The following SH3D21 variants were observed in gnomAD, a reference collection of about 807,000 sequenced individuals.
SH3D21 encodes manchette microtubule inner protein 1.
A neutral mutation model predicts 82.1 loss-of-function variants in SH3D21; 83 were observed. The observed-to-expected ratio is 1.01, with a 90% CI of 0.85 to 1.21. SH3D21 has a LOEUF of 1.21. Ranked by LOEUF, SH3D21 falls within the 50% of genes most tolerant of loss-of-function variation. SH3D21 has a pLI of 0.00. For synonymous variants in SH3D21, 383 were observed against 387.8 expected (o/e 0.99, Z 0.15); for missense variants, 980 against 962.1 (o/e 1.02, Z -0.25).
chr1:36,321,363 G>A, downstream of SH3D21: 1 of 1,401,156 alleles, frequency 7.1e-7, no homozygotes, highest in South Asian at 1.6e-5. This position sits in a 1 kb window ranked among gnomAD's most constrained non-coding sequence, Gnocchi z 6.1. Context: ...GCCTGCGCGC[G>A]GCTATTTTTA....
intron 9 of SH3D21, among the ~76,000 whole-genome samples, chr1:36,309,085 G>C (rs1646187604): frequency 6.6e-6 from 1 of 152,144 alleles, no homozygotes; most frequent in African/African-American, 2.4e-5. Context: ...TTTTGTGCAT[G>C]AAACAAATTT....
At position 36,319,255 on chromosome 1, in the gene SH3D21, TC is replaced by T. The variant is rs1291910598; in HGVS notation, c.864-3del. The stretch of plus-strand genomic sequence containing the variant: ...CCCTGAGGGCCTGATGAAGATATGT[TC>T]CAGGACATCTCGGACACCCAGCAGG... On this transcript the variant is annotated splice_region_variant and splice_polypyrimidine_tract_variant and intron_variant, in intron 11 of 15. Transcript: ENST00000453908. The T allele has an allele frequency of 5.8e-6, 9 of 1,551,378 alleles. No individual in the cohort carries two copies. The highest frequency in any genetic ancestry group is 2.4e-5 in the East Asian group (1 of 40,916).
rs922312758 is a variant in SH3D21, at chr1:36,306,561, T to C, written c.5-37T>C. 5 of 1,302,474 alleles carry C rather than the reference T, an allele frequency of 3.8e-6. No individual in the cohort carries two copies. Among genetic ancestry groups the C allele is most frequent in the Non-Finnish European group, 5.1e-6 (5 of 988,358 alleles). 80.7% of individuals were successfully genotyped at this position (1,302,474 alleles called of 1,614,324 possible). A position where few individuals can be genotyped will look rare whatever the true frequency, so the allele number is the denominator to read the frequency against. On this transcript the variant is annotated intron_variant, in intron 1 of 15. Transcript: ENST00000453908. The surrounding 1 kb of genome is among the most constrained non-coding windows in gnomAD (Gnocchi z 4.5). ...CTAGCCAGGCTGCCCGGCTGGGCCT[T>C]TCTGAGCCGCACGCCGGCCCCGTCT...
In SH3D21 at chr1:36,321,252, G is replaced by A; in HGVS notation, c.*125G>A. 2.0e-6 allele frequency: 3 copies of A among 1,473,982 alleles called. No individual in the cohort carries two copies. In the South Asian group the frequency reaches 4.1e-5, roughly 20 times the overall value. 91.3% of individuals were successfully genotyped at this position (1,473,982 alleles called of 1,614,324 possible). ...CGGCGCCACGCCGGTCTGGTCGCTG[G>A]GGGCGGGGCCTGCGCGGGGGCAGGG... is the stretch of plus-strand genomic sequence containing the variant. On this transcript the variant is annotated 3_prime_UTR_variant, in exon 16 of 16. Transcript: ENST00000453908. This position sits in a 1 kb window ranked among gnomAD's most constrained non-coding sequence, Gnocchi z 6.1.
Position 36,307,674 on chromosome 1 carries a change from G to A in SH3D21, c.436+67G>A, listed in dbSNP as rs1646156605. On this transcript the variant is annotated intron_variant, in intron 5 of 15. Transcript: ENST00000453908. This position sits in a 1 kb window ranked among gnomAD's most constrained non-coding sequence, Gnocchi z 5.4. Reference sequence around the variant, plus strand: ...ATGACCCTCCCAGTGGCATGAGCCTGTGATTCACATATCCTGACCCTGTGA... The same window carrying A: ...ATGACCCTCCCAGTGGCATGAGCCTATGATTCACATATCCTGACCCTGTGA... The A allele has an allele frequency of 2.5e-5, 39 of 1,541,922 alleles. No homozygotes were observed. Among genetic ancestry groups the A allele is most frequent in the Non-Finnish European group, 3.3e-5 (38 of 1,139,936 alleles).
intron 10 of SH3D21, among the ~76,000 whole-genome samples, chr1:36,312,247 TCTC>T (rs1196571490): frequency 2.0e-5 from 3 of 151,876 alleles, no homozygotes; most frequent in Non-Finnish European, 4.4e-5. Context: ...ATGGTCTTGA[TCTC>T]CTGACCTCAT....
intron 10 of SH3D21, among the ~76,000 whole-genome samples, chr1:36,311,932 C>T (rs1376398726): frequency 6.6e-6 from 1 of 151,988 alleles, no homozygotes; most frequent in Non-Finnish European, 1.5e-5. Context: ...TGGGCTCAAG[C>T]AATTCTCCTG....
intron 10 of SH3D21, among the ~76,000 whole-genome samples, chr1:36,311,280 G>A (rs183006824): frequency 1.3e-3 from 199 of 151,816 alleles, no homozygotes; most frequent in African/African-American, 4.8e-3. Context: ...CTGCACTGTC[G>A]CCCAGGCTGG....
chr1:36,327,596 CAT>C (rs1290898800), downstream of SH3D21: 5 of 1,078,024 alleles, frequency 4.6e-6, no homozygotes, highest in African/African-American at 1.7e-5. Flanking sequence ...TGGTATGTGA[CAT>C]ATGTGTTTGG....
chr1:36,321,644 G>T (rs1428593221), downstream of SH3D21: 13 of 1,018,134 alleles, frequency 1.3e-5, no homozygotes, highest in Non-Finnish European at 1.5e-5. The surrounding 1 kb of genome is among the most constrained non-coding windows in gnomAD (Gnocchi z 6.1). Context: ...TCCAGCCCAA[G>T]CACGCATGCT....
Position 36,308,182 on chromosome 1 carries a change from G to C in SH3D21, c.612G>C (p.Arg204Ser), listed in dbSNP as rs973928287. Residue 204 changes from arginine (R) to serine (S), a missense_variant, in exon 8 of 16, where the codon AGG becomes AGC. Coordinates refer to ENST00000453908, the MANE Select transcript of SH3D21 (RefSeq NM_001162530.2). ...PEAPDELALR[R>S]GDVVKVLSKT... is the part of the protein sequence containing the mutation. Reference sequence around the variant, plus strand: ...CCCCAGACGAGTTGGCGCTGCGGAGGGGGGACGTGGTAAAAGTACTCAGCA... The same window carrying C: ...CCCCAGACGAGTTGGCGCTGCGGAGCGGGGACGTGGTAAAAGTACTCAGCA... The C allele has an allele frequency of 2.3e-5, 36 of 1,546,228 alleles. No individual in the cohort carries two copies. Among genetic ancestry groups the C allele is most frequent in the Admixed American group, 4.0e-5 (2 of 50,530 alleles).
Position 36,319,214 on chromosome 1 carries a change from C to T in SH3D21, c.864-46C>T, listed in dbSNP as rs1468526660. On this transcript the variant is annotated intron_variant, in intron 11 of 15. Transcript: ENST00000453908. ...GAAGGAGGAGGGTAGGAGGCAACGC[C>T]CCTCCCTGTGCCCCACCCTGAGGGC... is the stretch of plus-strand genomic sequence containing the variant. 1.9e-6 allele frequency: 3 copies of T among 1,550,040 alleles called. No homozygotes were observed. In the Admixed American group the frequency reaches 5.9e-5, roughly 30 times the overall value.
Position 36,307,863 on chromosome 1 carries a change from C to T in SH3D21, c.492+38C>T, listed in dbSNP as rs1472054687. ...AGAGTAGGCACAGAGGTGGTGAGTT[C>T]CTCTTGGGGTGGTTGGAGGCTCATC... On this transcript the variant is annotated intron_variant, in intron 6 of 15. Coordinates refer to ENST00000453908, the MANE Select transcript of SH3D21 (RefSeq NM_001162530.2). The surrounding 1 kb of genome is among the most constrained non-coding windows in gnomAD (Gnocchi z 5.4). The T allele has an allele frequency of 1.2e-5, 19 of 1,551,580 alleles. No homozygotes were observed. Among genetic ancestry groups the T allele is most frequent in the Non-Finnish European group, 1.7e-5 (19 of 1,147,010 alleles).
rs566279473 is a variant in SH3D21 at position 36,309,523 on chromosome 1, CA to C, written c.727-23del. The C allele has an allele frequency of 3.0e-4, 468 of 1,551,148 alleles. 2 individuals carry two copies. In the African/African-American group the frequency reaches 5.9e-3, roughly 19 times the overall value. On this transcript the variant is annotated intron_variant, in intron 9 of 15. Coordinates refer to ENST00000453908, the MANE Select transcript of SH3D21 (RefSeq NM_001162530.2). ...TTCTGATTTTTAGATTAAGGATGCT[CA>C]ACCTTTACTTCTTTTCGGCATAGAT... is the stretch of plus-strand genomic sequence containing the variant.
Position 36,320,321 on chromosome 1 carries a change from C to T in SH3D21, c.1658C>T (p.Thr553Ile). Reference protein sequence around the residue: ...SERCLGEMKCTLVRGDSSPRQ... With the variant: ...SERCLGEMKCILVRGDSSPRQ... ...AGGTGCCTGGGAGAGATGAAATGTA[C>T]CCTAGTTAGAGGGGACAGCTCCCCA... is the stretch of plus-strand genomic sequence containing the variant. The change falls in exon 14 of 16, where the codon ACC becomes ATC. Residue 553 changes from threonine to isoleucine, a missense_variant. Thr to Ile is a moderately conservative substitution (Grantham distance 89). Coordinates refer to ENST00000453908, the MANE Select transcript of SH3D21 (RefSeq NM_001162530.2). 1 of 1,613,040 alleles carries T rather than the reference C, an allele frequency of 6.2e-7. No homozygotes were observed. Among genetic ancestry groups the T allele is most frequent in the Non-Finnish European group, 8.5e-7 (1 of 1,179,918 alleles).
chr1:36,326,186 G>A (rs544900994), downstream of SH3D21, among the ~76,000 whole-genome samples: 6 of 152,038 alleles, frequency 3.9e-5, no homozygotes, highest in East Asian at 3.9e-4. Flanking sequence ...GGGGCTGCCC[G>A]TGCAGGGACT....
At chr1:36,310,124 T>G (rs1383534802) in intron 10 of SH3D21, among the ~76,000 whole-genome samples, 1 of 151,968 alleles carries the variant, frequency 6.6e-6, no homozygotes, top group Non-Finnish European at 1.5e-5. Context: ...TCAGCTAATT[T>G]TTTGTATTTT....
downstream of SH3D21, chr1:36,321,486 T>G: frequency 1.1e-6 from 1 of 882,878 alleles, no homozygotes; most frequent in South Asian, 2.4e-5. This position sits in a 1 kb window ranked among gnomAD's most constrained non-coding sequence, Gnocchi z 6.1. Flanking sequence ...ACGCCCGGCC[T>G]AGATTCCGGA....
chr1:36,312,360 TTCTTAGGTA>T (rs1646258872), intron 10 of SH3D21, among the ~76,000 whole-genome samples: 1 of 152,208 alleles, frequency 6.6e-6, no homozygotes, highest in African/African-American at 2.4e-5. Flanking sequence ...TTCCCAGATA[TTCTTAGGTA>T]TCTCAGAGTT....
Sources: allele counts gnomAD v4.1 joint callset (sites outside exome capture counted in the v4.1 genomes callset), GRCh38; gene constraint gnomAD v4.1.1; non-coding constraint Gnocchi (gnomAD v3.1); transcripts MANE v1.5; gene names NCBI Gene and HGNC (gene_info 2026-07-23, HGNC 2026-07-21).